The following DPP10 variants were observed in gnomAD, a reference collection of about 807,000 sequenced individuals.
The protein encoded by DPP10 is dipeptidyl peptidase like 10, also known as inactive dipeptidyl peptidase 10.
Under a neutral mutation model 120.9 loss-of-function variants are expected in DPP10, and 33 were observed. That is an observed-to-expected ratio of 0.27 (90% CI 0.21 to 0.37). The LOEUF is 0.37. Ranked by LOEUF, DPP10 falls within the 10% of genes least tolerant of loss-of-function variation. The pLI, the probability that DPP10 is intolerant of heterozygous loss-of-function variation, is 1.00. For missense variants in DPP10, 816 were observed against 942.8 expected, an observed-to-expected ratio of 0.87 and a Z score of 1.76; for synonymous variants, 337 against 326.1, an observed-to-expected ratio of 1.03 and a Z score of -0.36.
intron 1 of DPP10, among the ~76,000 whole-genome samples, chr2:114,511,292 G>T (rs1262439299): frequency 6.6e-6 from 1 of 152,130 alleles, no homozygotes; most frequent in Non-Finnish European, 1.5e-5. Context: ...TAAAATCAAT[G>T]TGACTCCAAG....
chr2:115,583,756 ACAT>A (rs1313349990), intron 5 of DPP10, among the ~76,000 whole-genome samples: 1 of 152,102 alleles, frequency 6.6e-6, no homozygotes, highest in East Asian at 1.9e-4. Flanking sequence ...AGGGAGAAAA[ACAT>A]CACCAAATTT....
At chr2:115,115,882 T>C (rs1317233037) in intron 1 of DPP10, among the ~76,000 whole-genome samples, 1 of 152,088 alleles carries the variant, frequency 6.6e-6, no homozygotes. Context: ...CTACACAGTA[T>C]TCAGGGATCG....
intron 1 of DPP10, among the ~76,000 whole-genome samples, chr2:114,980,180 G>T (rs1285064251): frequency 6.6e-6 from 1 of 152,022 alleles, no homozygotes; most frequent in Non-Finnish European, 1.5e-5. Context: ...TATATACATT[G>T]TGAAATGTCT....
chr2:115,187,111 A>G (rs2054513920), intron 1 of DPP10, among the ~76,000 whole-genome samples: 1 of 129,530 alleles, frequency 7.7e-6, no homozygotes, highest in South Asian at 2.5e-4. Context: ...ATCTCGGCTC[A>G]CTGCAAGCTC....
intron 1 of DPP10, among the ~76,000 whole-genome samples, chr2:114,921,247 C>G (rs1025416080): frequency 2.6e-5 from 4 of 152,098 alleles, no homozygotes; most frequent in Admixed American, 6.6e-5. Context: ...GGGGACAAAG[C>G]TTGCTGTAAG....
At chr2:115,585,581 C>G (rs1430771212) in intron 5 of DPP10, among the ~76,000 whole-genome samples, 8 of 152,140 alleles carry the variant, frequency 5.3e-5, no homozygotes, top group Non-Finnish European at 1.2e-4. Flanking sequence ...TCCTTCCTTT[C>G]TTTTTTCCTT....
At position 114,896,215 on chromosome 2, in the gene DPP10, G is replaced by A. The variant is rs551014077; in HGVS notation, c.61-413024G>A. On this transcript the variant is annotated intron_variant, in intron 1 of 25. Transcript: ENST00000410059. ...TGGCTTAGGATTGACTTGGCGATGCGGGCTCTTTTTTGGTTCCATATGAAC... is the reference window on the plus strand; with the variant it reads ...TGGCTTAGGATTGACTTGGCGATGCAGGCTCTTTTTTGGTTCCATATGAAC... Among the ~76,000 whole-genome samples the A allele has an allele frequency of 8.6e-5, 13 of 151,964 alleles. No individual in the cohort carries two copies. In the East Asian group the frequency reaches 1.6e-3, roughly 18 times the overall value.
chr2:114,888,643 G>A (rs1403046374), intron 1 of DPP10, among the ~76,000 whole-genome samples: 2 of 152,164 alleles, frequency 1.3e-5, no homozygotes, highest in African/African-American at 4.8e-5. Flanking sequence ...TCAAAGAACA[G>A]CAATCTGCCC....
intron 3 of DPP10, among the ~76,000 whole-genome samples, chr2:115,363,761 C>T (rs2064924764): frequency 6.6e-6 from 1 of 152,308 alleles, no homozygotes; most frequent in East Asian, 1.9e-4. Flanking sequence ...GACTCTATGA[C>T]TTTGGGCAAG....
intron 3 of DPP10, among the ~76,000 whole-genome samples, chr2:115,483,084 A>G (rs879914642): frequency 3.9e-5 from 6 of 152,118 alleles, no homozygotes; most frequent in Non-Finnish European, 7.4e-5. Context: ...TAATGGTAGT[A>G]TCTGATAACA....
chr2:114,927,654 C>G (rs539418967), intron 1 of DPP10, among the ~76,000 whole-genome samples: 3 of 152,282 alleles, frequency 2.0e-5, no homozygotes, highest in African/African-American at 7.2e-5. Context: ...CTGAGAAGTT[C>G]CCAGCTTGAA....
intron 5 of DPP10, among the ~76,000 whole-genome samples, chr2:115,675,872 A>G (rs1364754826): frequency 6.6e-6 from 1 of 152,194 alleles, no homozygotes; most frequent in Non-Finnish European, 1.5e-5. Context: ...TAGCCCCTGC[A>G]TTTCCACATC....
chr2:115,382,712 A>T (rs958475816), intron 3 of DPP10, among the ~76,000 whole-genome samples: 1 of 152,232 alleles, frequency 6.6e-6, no homozygotes, highest in Non-Finnish European at 1.5e-5. Flanking sequence ...AGTTGGATGT[A>T]TAAAAAAAGA....
At chr2:115,815,788 T>C in intron 21 of DPP10, 59 bp downstream of exon 21, 2 of 1,495,886 alleles carry the variant, frequency 1.3e-6, no homozygotes, top group Non-Finnish European at 9.2e-7. Flanking sequence ...TGTAATATCC[T>C]ATTACACATT....
chr2:115,425,457 A>G (rs2070368100), intron 3 of DPP10, among the ~76,000 whole-genome samples: 1 of 152,174 alleles, frequency 6.6e-6, no homozygotes. Flanking sequence ...TTTCACTAGC[A>G]ATGACATTTC....
At chr2:114,767,849 G>A (rs1008432736) in intron 1 of DPP10, among the ~76,000 whole-genome samples, 2 of 152,160 alleles carry the variant, frequency 1.3e-5, no homozygotes, top group African/African-American at 2.4e-5. Context: ...GGCCGAGCAT[G>A]GTGGCTCATG....
rs368691280 is a variant in DPP10, at chr2:115,299,972, A to G, written c.61-9267A>G. Among the ~76,000 whole-genome samples, 14 of 152,058 alleles carry G rather than the reference A, an allele frequency of 9.2e-5. No homozygotes were observed. In the East Asian group the frequency reaches 2.1e-3, roughly 23 times the overall value. On this transcript the variant is annotated intron_variant, in intron 1 of 25. Coordinates refer to ENST00000410059, the MANE Select transcript of DPP10 (RefSeq NM_020868.6). ...TAACAGGGATTTGAAGATTCTCTAC[A>G]TCCTTCAAGTGGTCCTATAAATTCT...
chr2:114,889,543 G>C (rs1692367794), intron 1 of DPP10, among the ~76,000 whole-genome samples: 1 of 151,936 alleles, frequency 6.6e-6, no homozygotes. Context: ...AGGGTTGAAT[G>C]TACCAACAAC....
intron 17 of DPP10, among the ~76,000 whole-genome samples, chr2:115,784,653 C>T (rs1347189733): frequency 1.3e-5 from 2 of 152,060 alleles, no homozygotes; most frequent in Non-Finnish European, 2.9e-5. Flanking sequence ...CCTGCCTCAG[C>T]CCCCCGAGTA....
Sources: gnomAD v4.1 joint callset for allele counts (sites outside exome capture counted in the v4.1 genomes callset) on GRCh38, gnomAD v4.1.1 for gene constraint, MANE v1.5 for transcripts, NCBI Gene and HGNC (gene_info 2026-07-23, HGNC 2026-07-21) for gene names.